BCHE: variants seen among roughly 807,000 people sequenced by gnomAD.
BCHE encodes butyrylcholinesterase.
BCHE carries 48 observed loss-of-function variants against 51.3 expected under a neutral mutation model. The observed-to-expected ratio is 0.94, with a 90% CI of 0.74 to 1.19. The LOEUF (loss-of-function observed/expected upper bound fraction) is 1.19. Among genes scored for constraint, BCHE ranks in the 50% most tolerant of loss-of-function variants. The pLI, the probability that BCHE is intolerant of heterozygous loss-of-function variation, is 0.00. For synonymous variants in BCHE, 251 were observed against 238.0 expected (o/e 1.05, Z -0.50); for missense variants, 847 against 708.2 (o/e 1.20, Z -2.23).
At chr3:165,810,143 T>C (rs1714038768) in intron 2 of BCHE, among the ~76,000 whole-genome samples, 1 of 152,188 alleles carries the variant, frequency 6.6e-6, no homozygotes, top group South Asian at 2.1e-4. Context: ...CAAAGTAGTA[T>C]GTTTCAGATA....
intron 3 of BCHE, among the ~76,000 whole-genome samples, chr3:165,780,732 A>C (rs1712663393): frequency 6.6e-6 from 1 of 152,214 alleles, no homozygotes; most frequent in African/African-American, 2.4e-5. Flanking sequence ...CACCAGTCAG[A>C]AAGGCAATTA....
At chr3:165,783,674 A>ATATGAAG (rs1712802159) in intron 3 of BCHE, among the ~76,000 whole-genome samples, 1 of 152,094 alleles carries the variant, frequency 6.6e-6, no homozygotes, top group African/African-American at 2.4e-5. Flanking sequence ...CATTAGGATA[A>ATATGAAG]TATGAAGGAC....
intron 1 of BCHE, among the ~76,000 whole-genome samples, chr3:165,836,234 G>A (rs1008973530): frequency 5.9e-5 from 9 of 151,870 alleles, no homozygotes; most frequent in Admixed American, 2.6e-4. Context: ...TTTATATCCA[G>A]AGAAAATTCT....
chr3:165,835,674 T>C (rs1447302330), intron 1 of BCHE, among the ~76,000 whole-genome samples: 1 of 151,948 alleles, frequency 6.6e-6, no homozygotes, highest in Non-Finnish European at 1.5e-5. Context: ...TACATCACTG[T>C]CTTTCAGGGA....
intron 2 of BCHE, among the ~76,000 whole-genome samples, chr3:165,805,321 G>A (rs942767124): frequency 6.6e-6 from 1 of 152,156 alleles, no homozygotes; most frequent in Non-Finnish European, 1.5e-5. Context: ...TGTAAAAGAA[G>A]TGTTCATAAG....
chr3:165,828,654 A>AT (rs535480311), intron 2 of BCHE, among the ~76,000 whole-genome samples: 35 of 151,862 alleles, frequency 2.3e-4, no homozygotes, highest in African/African-American at 7.2e-4. Flanking sequence ...CTAAATTTCT[A>AT]TTTTTTTTAA....
intron 2 of BCHE, among the ~76,000 whole-genome samples, chr3:165,818,812 C>T (rs1251446700): frequency 2.6e-5 from 4 of 151,960 alleles, no homozygotes; most frequent in East Asian, 1.9e-4. Context: ...TACATATATA[C>T]GTATTATTCA....
chr3:165,815,620 T>A (rs1470934834), intron 2 of BCHE, among the ~76,000 whole-genome samples: 1 of 152,140 alleles, frequency 6.6e-6, no homozygotes, highest in Non-Finnish European at 1.5e-5. Context: ...TTTAAAATTA[T>A]GACTCCAAAG....
chr3:165,793,125 T>G (rs1713235670), intron 2 of BCHE, among the ~76,000 whole-genome samples: 2 of 152,322 alleles, frequency 1.3e-5, no homozygotes, highest in South Asian at 4.1e-4. Context: ...TAAAGTGTTT[T>G]CCATATGTTT....
At chr3:165,790,217 T>C (rs1238810107) in intron 2 of BCHE, among the ~76,000 whole-genome samples, 1 of 152,162 alleles carries the variant, frequency 6.6e-6, no homozygotes, top group African/African-American at 2.4e-5. Flanking sequence ...GAGCTGAAGA[T>C]TGATTTTAAC....
chr3:165,779,790 A>T (rs565004418), intron 3 of BCHE, among the ~76,000 whole-genome samples: 1 of 152,344 alleles, frequency 6.6e-6, no homozygotes, highest in East Asian at 1.9e-4. Flanking sequence ...AAAACATTTC[A>T]TCCTCATGGA....
intron 2 of BCHE, among the ~76,000 whole-genome samples, chr3:165,806,148 AGT>A (rs1713856597): frequency 6.6e-6 from 1 of 152,054 alleles, no homozygotes; most frequent in African/African-American, 2.4e-5. Context: ...TAAAAAAAAA[AGT>A]TTTCACATGG....
chr3:165,834,245 A>G (rs550039849), intron 1 of BCHE, among the ~76,000 whole-genome samples: 10 of 152,040 alleles, frequency 6.6e-5, no homozygotes, highest in African/African-American at 9.6e-5. Flanking sequence ...AATTTATTAT[A>G]TGTTGATATT....
At chr3:165,827,999 T>C (rs1280632270) in intron 2 of BCHE, 1 of 455,742 alleles carries the variant, frequency 2.2e-6, no homozygotes, top group African/African-American at 2.0e-5. Context: ...TCATAGTACT[T>C]CAATGAATAT....
At chr3:165,808,796 G>A (rs1713970229) in intron 2 of BCHE, among the ~76,000 whole-genome samples, 1 of 151,998 alleles carries the variant, frequency 6.6e-6, no homozygotes, top group Admixed American at 6.6e-5. Context: ...CTATACTGTG[G>A]TTACTTTATT....
intron 3 of BCHE, among the ~76,000 whole-genome samples, chr3:165,782,536 G>A (rs1712747425): frequency 6.6e-6 from 1 of 152,020 alleles, no homozygotes; most frequent in African/African-American, 2.4e-5. Context: ...ATAATGATAA[G>A]TTTTTTGTGT....
chr3:165,776,965 A>G (rs1576832423), intron 3 of BCHE, among the ~76,000 whole-genome samples: 1 of 151,932 alleles, frequency 6.6e-6, no homozygotes, highest in Non-Finnish European at 1.5e-5. Flanking sequence ...AAAATACGGT[A>G]ATATAGAGAA....
At chr3:165,817,849 T>C (rs1265913008) in intron 2 of BCHE, among the ~76,000 whole-genome samples, 4 of 151,910 alleles carry the variant, frequency 2.6e-5, no homozygotes, top group African/African-American at 4.8e-5. Flanking sequence ...TAGGCAAAGA[T>C]AACAAAGCAA....
intron 2 of BCHE, among the ~76,000 whole-genome samples, chr3:165,826,761 T>C (rs952010470): frequency 2.0e-5 from 3 of 152,160 alleles, no homozygotes; most frequent in Non-Finnish European, 4.4e-5. Context: ...AATTCTACTT[T>C]TACTTCCTTA....
Sources: allele counts gnomAD v4.1 joint callset (sites outside exome capture counted in the v4.1 genomes callset), GRCh38; gene constraint gnomAD v4.1.1; transcripts MANE v1.5; gene names NCBI Gene and HGNC (gene_info 2026-07-23, HGNC 2026-07-21).